The following ZNF730 variants were observed in gnomAD, a reference collection of about 807,000 sequenced individuals.
The protein encoded by ZNF730 is putative zinc finger protein 730.
A neutral mutation model predicts 12.6 loss-of-function variants in ZNF730; 12 were observed. That is an observed-to-expected ratio of 0.95 (90% CI 0.61 to 1.54). The LOEUF is 1.54. ZNF730 is among the 40% of genes most tolerant of loss of function. The pLI is 0.00. For synonymous variants in ZNF730, 194 were observed against 195.8 expected (o/e 0.99, Z 0.08); for missense variants, 643 against 583.5 (o/e 1.10, Z -1.05).
intron 1 of ZNF730, chr19:23,127,622 T>C: frequency 9.7e-7 from 1 of 1,033,988 alleles, no homozygotes; most frequent in Non-Finnish European, 1.5e-6. Flanking sequence ...TTGTTTAAAA[T>C]TTGGCAATAA....
chr19:23,146,610 T>C lies in ZNF730; in HGVS notation c.*54T>C. The C allele has an allele frequency of 6.3e-7, 1 of 1,585,772 alleles. No homozygotes were observed. The highest frequency in any genetic ancestry group is 8.6e-7 in the Non-Finnish European group (1 of 1,157,690). On this transcript the variant is annotated 3_prime_UTR_variant, in exon 4 of 4. Coordinates refer to ENST00000597761, the MANE Select transcript of ZNF730 (RefSeq NM_001277403.2). ...AACAATCTTTATACCTTACTACACATAAGATAATTCATACTGAAGAGAAAC... is the reference window on the plus strand; with the variant it reads ...AACAATCTTTATACCTTACTACACACAAGATAATTCATACTGAAGAGAAAC...
In ZNF730 at chr19:23,145,752, C is replaced by G. The variant is rs1001290827; in HGVS notation, c.708C>G (p.Ala236=). 1.9e-6 allele frequency: 3 copies of G among 1,565,092 alleles called. No individual in the cohort carries two copies. In the African/African-American group the frequency reaches 4.1e-5, roughly 21 times the overall value. ...ACAAATGTAAAGAATGTGGCAAAGC[C>G]TTTAACTGGTTTTCACATTTTACTA... ...KPYKCKECGK[A]FNWFSHFTTH... is the part of the protein sequence containing the mutation. The change falls in exon 4 of 4, where the codon GCC becomes GCG. Residue 236 remains alanine (A), a synonymous_variant. Transcript: ENST00000597761.
chr19:23,106,281 C>G (rs1202934572), intron 1 of ZNF730, among the ~76,000 whole-genome samples: 1 of 151,928 alleles, frequency 6.6e-6, no homozygotes, highest in Non-Finnish European at 1.5e-5. Flanking sequence ...GTAGTTAGGA[C>G]GATGAAACAG....
At chr19:23,145,067 A>T (rs1054335281) in intron 3 of ZNF730, among the ~76,000 whole-genome samples, 36 of 152,154 alleles carry the variant, frequency 2.4e-4, no homozygotes, top group African/African-American at 8.2e-4. Context: ...CATTGTGTTC[A>T]CCTGGGGCAC....
intron 1 of ZNF730, among the ~76,000 whole-genome samples, chr19:23,084,566 A>G (rs1970025241): frequency 6.6e-6 from 1 of 152,178 alleles, no homozygotes; most frequent in African/African-American, 2.4e-5. Context: ...GTAAAGATTA[A>G]GCCTAAGTAC....
intron 1 of ZNF730, among the ~76,000 whole-genome samples, chr19:23,130,691 A>G (rs1490031227): frequency 1.3e-5 from 2 of 151,522 alleles, no homozygotes; most frequent in Non-Finnish European, 2.9e-5. Flanking sequence ...TAAATGGCTT[A>G]TTAGTATATG....
intron 1 of ZNF730, among the ~76,000 whole-genome samples, chr19:23,132,334 A>T (rs1970754167): frequency 6.6e-6 from 1 of 152,200 alleles, no homozygotes. Flanking sequence ...TCAGCTAAAC[A>T]TGCCTTGGAG....
At chr19:23,115,955 A>T (rs1970513461), upstream of ZNF730, among the ~76,000 whole-genome samples, 1 of 152,228 alleles carries the variant, frequency 6.6e-6, no homozygotes, top group African/African-American at 2.4e-5. Flanking sequence ...TGGGCTCCAT[A>T]AAGGTACTAA....
At position 23,120,680 on chromosome 19, in the gene ZNF730, G is replaced by T. The variant is rs192164151; in HGVS notation, c.3+3504G>T. ...ATTTAACTCAATAGATTTCTTATTT[G>T]TATGACTTTTCATGTCTAAATCTCC... On this transcript the variant is annotated intron_variant, in intron 1 of 3. Coordinates refer to ENST00000597761, the MANE Select transcript of ZNF730 (RefSeq NM_001277403.2). Among the ~76,000 whole-genome samples the T allele has an allele frequency of 2.8e-4, 43 of 151,934 alleles. 1 individual carries two copies. Among genetic ancestry groups the T allele is most frequent in the African/African-American group, 9.9e-4 (41 of 41,476 alleles).
chr19:23,102,645 A>G (rs12462841), intron 1 of ZNF730, among the ~76,000 whole-genome samples: 3 of 151,890 alleles, frequency 2.0e-5, no homozygotes, highest in South Asian at 4.2e-4. Flanking sequence ...ACAGGTGCAC[A>G]CCACCAATCC....
rs116197225 is a variant in ZNF730 at position 23,126,504 on chromosome 19, A to G, written c.4-7576A>G. On this transcript the variant is annotated intron_variant, in intron 1 of 3. Coordinates refer to ENST00000597761, the MANE Select transcript of ZNF730 (RefSeq NM_001277403.2). The stretch of plus-strand genomic sequence containing the variant: ...CCAGTGAGCATAAATGCGTAACATC[A>G]TTAAGAAAACAAAAATAAAATTTGA... The G allele has an allele frequency of 1.4e-3, 536 of 386,998 alleles. 2 individuals are homozygous for G. The highest frequency in any genetic ancestry group is 0.011 in the African/African-American group (507 of 47,760). 24.0% of individuals were successfully genotyped at this position (386,998 alleles called of 1,614,324 possible).
At chr19:23,133,950 G>C (rs377420599) in intron 1 of ZNF730, 130 bp from the exon 2 acceptor site, 21 of 1,045,130 alleles carry the variant, frequency 2.0e-5, no homozygotes, top group African/African-American at 6.5e-5. Context: ...TGTGTTGAAG[G>C]TTATTAGATA....
chr19:23,097,911 G>C (rs1263383917), intron 1 of ZNF730, among the ~76,000 whole-genome samples: 1 of 152,174 alleles, frequency 6.6e-6, no homozygotes. Context: ...GGTCAAGGCA[G>C]GTGGGTCACC....
At chr19:23,114,310 T>TTC (rs1195149451), upstream of ZNF730, among the ~76,000 whole-genome samples, 2 of 111,220 alleles carry the variant, frequency 1.8e-5, no homozygotes, top group South Asian at 2.9e-4. Flanking sequence ...CTTTTCTTTT[T>TTC]TTTTTTTTTT....
chr19:23,134,117 C>T lies in ZNF730; in HGVS notation c.41C>T (p.Ser14Phe), dbSNP rs756261639. The change falls in exon 2 of 4, where the codon TCT (serine) becomes TTT (phenylalanine). Residue 14 changes from serine (S) to phenylalanine (F), a missense_variant. Coordinates refer to ENST00000597761, the MANE Select transcript of ZNF730 (RefSeq NM_001277403.2). ...TTTAGAGATGTGGCCATAGAATTCT[C>T]TCTGGAGGAGTGGCAATGTCTGGAC... ...LTFRDVAIEF[S>F]LEEWQCLDTE... 5 of 1,613,546 alleles carry T rather than the reference C, an allele frequency of 3.1e-6. No individual in the cohort carries two copies. The highest frequency in any genetic ancestry group is 4.2e-6 in the Non-Finnish European group (5 of 1,179,768).
intron 1 of ZNF730, among the ~76,000 whole-genome samples, chr19:23,082,810 T>C (rs1028337672): frequency 5.3e-5 from 8 of 152,148 alleles, no homozygotes; most frequent in African/African-American, 1.9e-4. Flanking sequence ...CAGGTGATTC[T>C]CCTGCATCAG....
chr19:23,133,986 C>A (rs1970781734), intron 1 of ZNF730, 94 bp from the exon 2 acceptor site: 1 of 1,499,064 alleles, frequency 6.7e-7, no homozygotes, highest in Non-Finnish European at 9.1e-7. Context: ...ATAAGTAAGA[C>A]CCAATTATAT....
rs2145710864 is a variant in ZNF730, at chr19:23,145,656, A to G, written c.612A>G (p.Glu204=). ...CTGGAGAGAAATCCTACAAATGTGA[A>G]GAATATGGCAAAGCCTTTAATGAGT... The part of the protein sequence containing the change: ...IHTGEKSYKC[E]EYGKAFNESS... The change falls in exon 4 of 4, where the codon GAA becomes GAG. Residue 204 remains glutamate, a synonymous_variant. Coordinates refer to ENST00000597761, the MANE Select transcript of ZNF730 (RefSeq NM_001277403.2). The G allele has an allele frequency of 6.4e-7, 1 of 1,555,186 alleles. No individual in the cohort carries two copies.
At chr19:23,134,467 GGGA>G (rs1970795409) in intron 2 of ZNF730, among the ~76,000 whole-genome samples, 1 of 148,778 alleles carries the variant, frequency 6.7e-6, no homozygotes, top group Admixed American at 6.6e-5. Context: ...CTGTCCGGGA[GGGA>G]GGTGGGGGGG....
Sources: gnomAD v4.1 joint callset for allele counts (sites outside exome capture counted in the v4.1 genomes callset) on GRCh38, gnomAD v4.1.1 for gene constraint, MANE v1.5 for transcripts, NCBI Gene and HGNC (gene_info 2026-07-23, HGNC 2026-07-21) for gene names.